ALK: variants seen among roughly 807,000 people sequenced by gnomAD.
The protein encoded by ALK is ALK tyrosine kinase receptor.
Under a neutral mutation model 163.1 loss-of-function variants are expected in ALK, and 74 were observed. The observed-to-expected ratio is 0.45, with a 90% CI of 0.38 to 0.55. The LOEUF (loss-of-function observed/expected upper bound fraction) is 0.55, where lower values mean the gene tolerates loss of function less well. Ranked by LOEUF, ALK falls within the 20% of genes least tolerant of loss-of-function variation. The pLI is 0.00. For synonymous variants in ALK, 960 were observed against 843.2 expected, an observed-to-expected ratio of 1.14 and a Z score of -2.40; for missense variants, 2,063 against 2,105.3, an observed-to-expected ratio of 0.98 and a Z score of 0.39.
At chr2:29,296,620 G>A (rs1666187432) in intron 9 of ALK, among the ~76,000 whole-genome samples, 1 of 152,204 alleles carries the variant, frequency 6.6e-6, no homozygotes, top group South Asian at 2.1e-4. Context: ...CAGACACTGG[G>A]GGTAGCCAAC....
chr2:29,195,134 G>A (rs1668992833), intron 28 of ALK, among the ~76,000 whole-genome samples: 1 of 152,118 alleles, frequency 6.6e-6, no homozygotes. Context: ...AATTTCTATA[G>A]TGAATCAATC....
chr2:29,250,619 T>C (rs1664791769), intron 12 of ALK, among the ~76,000 whole-genome samples: 1 of 152,068 alleles, frequency 6.6e-6, no homozygotes, highest in African/African-American at 2.4e-5. Context: ...TCTAAGGGAA[T>C]ACTGGGGGCT....
At chr2:29,506,872 G>A (rs945685371) in intron 4 of ALK, among the ~76,000 whole-genome samples, 1 of 152,192 alleles carries the variant, frequency 6.6e-6, no homozygotes. Context: ...AAAGGAAGAG[G>A]TGAAAATATC....
intron 4 of ALK, among the ~76,000 whole-genome samples, chr2:29,441,033 A>G (rs1229322024): frequency 2.0e-5 from 3 of 152,150 alleles, no homozygotes; most frequent in African/African-American, 7.2e-5. Context: ...TGGACTTCCC[A>G]TCACACTCAA....
intron 11 of ALK, among the ~76,000 whole-genome samples, chr2:29,273,448 C>T (rs1043678444): frequency 8.5e-5 from 13 of 152,212 alleles, no homozygotes; most frequent in Admixed American, 6.5e-5. Context: ...GTCATCGCCA[C>T]GTGTGAGCCA....
At chr2:29,639,818 G>A (rs1253710645) in intron 3 of ALK, among the ~76,000 whole-genome samples, 1 of 152,094 alleles carries the variant, frequency 6.6e-6, no homozygotes, top group African/African-American at 2.4e-5. Context: ...TTTACATAGG[G>A]AACAGGGAGT....
intron 3 of ALK, among the ~76,000 whole-genome samples, chr2:29,537,816 T>G (rs1334187402): frequency 6.6e-6 from 1 of 152,242 alleles, no homozygotes; most frequent in Admixed American, 6.5e-5. Context: ...GGGGTGGAGC[T>G]GCCTAAGGCC....
rs116723863 is a variant in ALK, at chr2:29,437,325, C to T, written c.1155-53466G>A. Among the ~76,000 whole-genome samples, 447 of 152,176 alleles carry T rather than the reference C, an allele frequency of 2.9e-3. 1 individual carries two copies. Among genetic ancestry groups the T allele is most frequent in the African/African-American group, 0.01 (425 of 41,522 alleles). On this transcript the variant is annotated intron_variant, in intron 4 of 28. Coordinates refer to ENST00000389048, the MANE Select transcript of ALK (RefSeq NM_004304.5). Reference sequence around the variant, plus strand: ...CAGAGAATCTGTTGGTTTGAACATACGTAATGTGAGAAATAAAAGAGCAGC... The same window carrying T: ...CAGAGAATCTGTTGGTTTGAACATATGTAATGTGAGAAATAAAAGAGCAGC...
At chr2:29,725,802 A>G (rs1679555222) in intron 1 of ALK, among the ~76,000 whole-genome samples, 1 of 152,024 alleles carries the variant, frequency 6.6e-6, no homozygotes, top group Non-Finnish European at 1.5e-5. Flanking sequence ...GGTACTAGTG[A>G]CTCATAATTC....
chr2:29,210,486 G>A (rs1393798614), intron 24 of ALK, among the ~76,000 whole-genome samples: 1 of 152,180 alleles, frequency 6.6e-6, no homozygotes, highest in African/African-American at 2.4e-5. Context: ...AGGCTGGAGT[G>A]CAGTGGTGCG....
chr2:29,454,389 T>G (rs956751845), intron 4 of ALK, among the ~76,000 whole-genome samples: 4 of 152,198 alleles, frequency 2.6e-5, no homozygotes, highest in Non-Finnish European at 5.9e-5. Context: ...TAATACAATG[T>G]AAGTGCTAGG....
intron 1 of ALK, among the ~76,000 whole-genome samples, chr2:29,837,526 G>A (rs1384896228): frequency 6.6e-6 from 1 of 152,160 alleles, no homozygotes; most frequent in Non-Finnish European, 1.5e-5. Context: ...GCAAGATACT[G>A]TACCCCAATC....
At chr2:29,248,489 C>T (rs1245563908) in intron 12 of ALK, among the ~76,000 whole-genome samples, 1 of 152,208 alleles carries the variant, frequency 6.6e-6, no homozygotes, top group East Asian at 1.9e-4. Context: ...AAAACCCCAA[C>T]TGAGCGGCTT....
rs115166804 is a variant in ALK, at chr2:29,246,981, G to A, written c.2204+4124C>T. On this transcript the variant is annotated intron_variant, in intron 12 of 28. Coordinates refer to ENST00000389048, the MANE Select transcript of ALK (RefSeq NM_004304.5). This position sits in a 1 kb window ranked among gnomAD's most constrained non-coding sequence, Gnocchi z 4.3. ...AGCCTTGCCCGACTTCTCATCGGCA[G>A]TACCGACTTCTTGTGCTCACCGCAG... Among the ~76,000 whole-genome samples the A allele has an allele frequency of 0.018, 2,816 of 152,304 alleles. 100 individuals are homozygous for A. Among genetic ancestry groups the A allele is most frequent in the African/African-American group, 0.064 (2,674 of 41,556 alleles).
At chr2:29,541,074 G>T (rs1217309911) in intron 3 of ALK, among the ~76,000 whole-genome samples, 1 of 152,082 alleles carries the variant, frequency 6.6e-6, no homozygotes, top group Non-Finnish European at 1.5e-5. Flanking sequence ...CTGTTTGCCT[G>T]CATCATATAT....
chr2:29,793,162 A>G (rs911580200), intron 1 of ALK, among the ~76,000 whole-genome samples: 1 of 152,200 alleles, frequency 6.6e-6, no homozygotes, highest in Non-Finnish European at 1.5e-5. Flanking sequence ...CTTTACCAGG[A>G]GTAGATTCCA....
intron 4 of ALK, among the ~76,000 whole-genome samples, chr2:29,481,495 A>G (rs1671658398): frequency 6.6e-6 from 1 of 152,238 alleles, no homozygotes; most frequent in South Asian, 2.1e-4. Context: ...CACACATTGC[A>G]TAGATAAGGC....
intron 5 of ALK, among the ~76,000 whole-genome samples, chr2:29,344,507 C>T (rs994803181): frequency 1.6e-4 from 25 of 152,130 alleles, no homozygotes; most frequent in African/African-American, 5.3e-4. Flanking sequence ...GGCACTCTGG[C>T]GATAGTCCCA....
At chr2:29,912,980 C>G (rs965690460) in intron 1 of ALK, among the ~76,000 whole-genome samples, 1 of 152,154 alleles carries the variant, frequency 6.6e-6, no homozygotes, top group East Asian at 1.9e-4. Flanking sequence ...TTTCCTTTGG[C>G]TAGTTTCCTG....
Sources: allele counts gnomAD v4.1 joint callset (sites outside exome capture counted in the v4.1 genomes callset), GRCh38; gene constraint gnomAD v4.1.1; non-coding constraint Gnocchi (gnomAD v3.1); transcripts MANE v1.5; gene names NCBI Gene and HGNC (gene_info 2026-07-23, HGNC 2026-07-21).